Variants in SATB1 observed in about 807,000 individuals in gnomAD.
The protein encoded by SATB1 is DNA-binding protein SATB1.
In SATB1, 11 loss-of-function variants were observed where a neutral mutation model predicts 86.9. That is an observed-to-expected ratio of 0.13 (90% CI 0.08 to 0.21). SATB1 has a LOEUF of 0.21. Among genes scored for constraint, SATB1 ranks in the 10% least tolerant of loss-of-function variants. The pLI is 1.00. For missense variants in SATB1, 551 were observed against 937.6 expected, an observed-to-expected ratio of 0.59 and a Z score of 5.39; for synonymous variants, 357 against 357.2, an observed-to-expected ratio of 1.00 and a Z score of 0.01.
At chr3:18,419,593 T>C (rs905103468) in intron 2 of SATB1, among the ~76,000 whole-genome samples, 5 of 152,182 alleles carry the variant, frequency 3.3e-5, no homozygotes, top group African/African-American at 1.2e-4. Context: ...CGTCAGAAAG[T>C]CTTTTTTATA....
At chr3:18,393,483 A>G (rs1017070212) in intron 7 of SATB1, among the ~76,000 whole-genome samples, 2 of 152,156 alleles carry the variant, frequency 1.3e-5, no homozygotes, top group African/African-American at 4.8e-5. Context: ...GGCTTCTCAA[A>G]TATCTTTATC....
In SATB1 at chr3:18,412,689, T is replaced by A. The variant is rs371278118; in HGVS notation, c.639+2422A>T. On this transcript the variant is annotated intron_variant, in intron 5 of 10. Coordinates refer to ENST00000338745, the MANE Select transcript of SATB1 (RefSeq NM_002971.6). ...GCTAGGCTTTTTTCACCATGACATC[T>A]TCATCACCAAATCTTAACCATAGGA... Among the ~76,000 whole-genome samples, 494 of 152,198 alleles carry A rather than the reference T, an allele frequency of 3.2e-3. 1 individual carries two copies. Among genetic ancestry groups the A allele is most frequent in the African/African-American group, 0.011 (446 of 41,556 alleles).
intron 7 of SATB1, among the ~76,000 whole-genome samples, chr3:18,387,830 A>G (rs1210520748): frequency 1.3e-5 from 2 of 152,192 alleles, no homozygotes; most frequent in African/African-American, 4.8e-5. Context: ...AAAACAATGA[A>G]GCCCCAAGGT....
chr3:18,375,816 A>C (rs935298716), intron 9 of SATB1, among the ~76,000 whole-genome samples: 4 of 152,182 alleles, frequency 2.6e-5, no homozygotes, highest in African/African-American at 9.7e-5. Flanking sequence ...CTGAACAACT[A>C]AGTCAAGACT....
chr3:18,444,502 G>C lies in SATB1; in HGVS notation c.-25+1016C>G. The C allele has an allele frequency of 1.2e-6, 1 of 831,810 alleles. No individual in the cohort carries two copies. The allele number at this position is 831,810 out of a possible 1,614,324, so 51.5% of individuals were successfully genotyped here. The stretch of plus-strand genomic sequence containing the variant: ...CCCAGCCGCCCCAATAGGGGACGAG[G>C]AGTGGGTGCTACGGAGAAGTTTGGA... On this transcript the variant is annotated intron_variant, in intron 1 of 3. Coordinates refer to the SATB1 transcript ENST00000415069. The surrounding 1 kb of genome is among the most constrained non-coding windows in gnomAD (Gnocchi z 5.1).
intron 9 of SATB1, among the ~76,000 whole-genome samples, chr3:18,366,731 T>C (rs1025444950): frequency 3.3e-5 from 5 of 152,096 alleles, no homozygotes; most frequent in African/African-American, 1.2e-4. Context: ...AGATGAAAAG[T>C]GTATATCAAT....
intron 2 of SATB1, chr3:18,434,953 T>G (rs1398781808): frequency 6.6e-6 from 1 of 152,140 alleles, no homozygotes; most frequent in Non-Finnish European, 1.5e-5. Flanking sequence ...TAATTGATTA[T>G]CCATGACTGG....
intron 9 of SATB1, among the ~76,000 whole-genome samples, chr3:18,370,475 G>A (rs1695415531): frequency 8.6e-6 from 1 of 116,670 alleles, no homozygotes; most frequent in African/African-American, 3.4e-5. Context: ...TTAAATGACT[G>A]CTTTACTGTT....
At chr3:18,391,730 T>C (rs1234900231) in intron 7 of SATB1, among the ~76,000 whole-genome samples, 2 of 152,134 alleles carry the variant, frequency 1.3e-5, no homozygotes, top group Non-Finnish European at 2.9e-5. Flanking sequence ...GCTCCTTGTC[T>C]ATACATACGC....
At chr3:18,385,704 T>A (rs1208700227) in intron 8 of SATB1, among the ~76,000 whole-genome samples, 1 of 152,006 alleles carries the variant, frequency 6.6e-6, no homozygotes, top group Non-Finnish European at 1.5e-5. Flanking sequence ...TATCTAAGGG[T>A]TTGTAATGCA....
intron 10 of SATB1, chr3:18,351,207 G>T: frequency 1.1e-6 from 1 of 871,468 alleles, no homozygotes; most frequent in South Asian, 1.4e-5. Context: ...CCAAGACCAT[G>T]GTTAGTAGGG....
upstream of SATB1, among the ~76,000 whole-genome samples, chr3:18,442,883 C>T (rs563581825): frequency 6.6e-6 from 1 of 152,266 alleles, no homozygotes; most frequent in South Asian, 2.1e-4. Context: ...CAGACTGGAG[C>T]AGCCAGTATA....
At chr3:18,362,881 A>AAAAAC (rs373536891) in intron 9 of SATB1, among the ~76,000 whole-genome samples, 8,392 of 106,512 alleles carry the variant, frequency 0.079, 772 homozygotes, top group East Asian at 0.14. Context: ...AAAAAAAAAA[A>AAAAAC]CCAAAACCCC....
Position 18,345,885 on chromosome 3 carries a change from G to T in SATB1, c.*3285C>A, listed in dbSNP as rs747383040. 1 of 151,904 alleles carries T rather than the reference G, an allele frequency of 6.6e-6. No homozygotes were observed. Among genetic ancestry groups the T allele is most frequent in the Non-Finnish European group, 1.5e-5 (1 of 67,938 alleles). The allele number at this position is 151,904 out of a possible 1,614,324, so 9.4% of individuals were successfully genotyped here. A position where few individuals can be genotyped will look rare whatever the true frequency, so the allele number is the denominator to read the frequency against. The stretch of plus-strand genomic sequence containing the variant: ...GCCAGATGCTAACAATTGGGAATAG[G>T]GCAGAATTTAATAATGGAATGTATG... On this transcript the variant is annotated 3_prime_UTR_variant, in exon 11 of 11. Transcript: ENST00000338745.
At position 18,436,506 on chromosome 3, in the gene SATB1, CAA is replaced by C. The variant is rs71055011; in HGVS notation, c.-25+281_-25+282del. ...GATAGAACAGAGACCCAGGTGCTAC[CAA>C]AAAAAAAAAAAAAAAAATCATCCAA... On this transcript the variant is annotated intron_variant, in intron 2 of 3. Coordinates refer to the SATB1 transcript ENST00000414509. 5.9e-3 allele frequency among the ~76,000 whole-genome samples: 669 copies of C among 113,794 alleles called. 2 individuals carry two copies. The highest frequency in any genetic ancestry group is 5.5e-3 in the African/African-American group (168 of 30,464). 74.7% of individuals were successfully genotyped at this position (113,794 alleles called of 152,430 possible). A position where few individuals can be genotyped will look rare whatever the true frequency, so the allele number is the denominator to read the frequency against.
chr3:18,365,067 C>T (rs1332431568), intron 9 of SATB1, among the ~76,000 whole-genome samples: 2 of 152,100 alleles, frequency 1.3e-5, no homozygotes, highest in Admixed American at 6.6e-5. Flanking sequence ...AAACTTTCAT[C>T]TCATTTATAT....
chr3:18,439,044 C>T (rs1051703459), upstream of SATB1, among the ~76,000 whole-genome samples: 5 of 152,106 alleles, frequency 3.3e-5, no homozygotes, highest in Admixed American at 6.5e-5. Flanking sequence ...TTTTATCCAG[C>T]GAAATCTTTT....
At chr3:18,422,853 A>C (rs188146233) in intron 1 of SATB1, among the ~76,000 whole-genome samples, 2 of 152,346 alleles carry the variant, frequency 1.3e-5, no homozygotes, top group African/African-American at 4.8e-5. Context: ...CATGAGGCTT[A>C]ACAACACTAG....
intron 7 of SATB1, among the ~76,000 whole-genome samples, chr3:18,387,518 T>C (rs935968786): frequency 4.5e-4 from 69 of 152,298 alleles, no homozygotes; most frequent in African/African-American, 1.7e-3. Context: ...TTTTTTAACT[T>C]TTGGAAGAAC....
Sources: allele counts gnomAD v4.1 joint callset (sites outside exome capture counted in the v4.1 genomes callset), GRCh38; gene constraint gnomAD v4.1.1; non-coding constraint Gnocchi (gnomAD v3.1); transcripts MANE v1.5; gene names NCBI Gene and HGNC (gene_info 2026-07-23, HGNC 2026-07-21).